The following HRH1 variants were observed in gnomAD, a reference collection of about 807,000 sequenced individuals.
The protein encoded by HRH1 is histamine H1 receptor.
In HRH1, 6 loss-of-function variants were observed where a neutral mutation model predicts 10.3. The observed-to-expected ratio is 0.58, with a 90% CI of 0.32 to 1.15. The LOEUF (loss-of-function observed/expected upper bound fraction) is 1.15, where lower values mean the gene tolerates loss of function less well. HRH1 is among the 50% of genes most tolerant of loss of function. The pLI, the probability that HRH1 is intolerant of heterozygous loss-of-function variation, is 0.05. For missense variants in HRH1, 514 were observed against 615.3 expected (o/e 0.84, Z 1.74); for synonymous variants, 242 against 236.7 (o/e 1.02, Z -0.21).
intron 1 of HRH1, among the ~76,000 whole-genome samples, chr3:11,162,011 C>G (rs1574981589): frequency 6.6e-6 from 1 of 152,138 alleles, no homozygotes; most frequent in South Asian, 2.1e-4. Flanking sequence ...GACAGTGGAG[C>G]GTGTGGGCTC....
rs375938433 is a variant in HRH1, at chr3:11,221,614, T to G, written c.-35-37389T>G. Reference sequence around the variant, plus strand: ...TACTTACGAGTTTAACCATTTTATATGCACGGTTCAGTGACACTAACTACA... The same window carrying G: ...TACTTACGAGTTTAACCATTTTATAGGCACGGTTCAGTGACACTAACTACA... On this transcript the variant is annotated intron_variant, in intron 1 of 1. Transcript: ENST00000431010. Among the ~76,000 whole-genome samples the G allele has an allele frequency of 1.1e-4, 17 of 152,240 alleles. No individual in the cohort carries two copies. In the East Asian group the frequency reaches 3.3e-3, roughly 29 times the overall value.
intron 1 of HRH1, among the ~76,000 whole-genome samples, chr3:11,240,701 G>A (rs1300101446): frequency 6.6e-6 from 1 of 152,178 alleles, no homozygotes. Context: ...GCCCATAATG[G>A]CATTTTGCTA....
At chr3:11,190,536 G>T (rs145240908) in intron 1 of HRH1, among the ~76,000 whole-genome samples, 1 of 151,938 alleles carries the variant, frequency 6.6e-6, no homozygotes, top group South Asian at 2.1e-4. Flanking sequence ...GACTACAGGC[G>T]CATGCTGCCA....
intron 1 of HRH1, among the ~76,000 whole-genome samples, chr3:11,222,231 C>T (rs1195568167): frequency 2.7e-5 from 4 of 145,830 alleles, no homozygotes; most frequent in African/African-American, 2.5e-5. Context: ...AGGCACAGGA[C>T]GGGGTGGGAG....
chr3:11,162,287 GTGA>G (rs1379982232), intron 1 of HRH1, among the ~76,000 whole-genome samples: 1 of 152,118 alleles, frequency 6.6e-6, no homozygotes, highest in East Asian at 1.9e-4. Context: ...GGGTTATAAG[GTGA>G]TGATGCTCCC....
At chr3:11,210,297 G>A (rs139626901) in intron 1 of HRH1, among the ~76,000 whole-genome samples, 15 of 152,170 alleles carry the variant, frequency 9.9e-5, no homozygotes, top group Non-Finnish European at 1.9e-4. Context: ...GGGATGCTGA[G>A]ATGGGAGAGT....
chr3:11,193,283 C>A (rs1386352946), intron 1 of HRH1, among the ~76,000 whole-genome samples: 1 of 152,060 alleles, frequency 6.6e-6, no homozygotes, highest in Non-Finnish European at 1.5e-5. Context: ...TAAAAAATAT[C>A]TGACTCAGTT....
chr3:11,173,790 T>G (rs1937198977), intron 1 of HRH1, among the ~76,000 whole-genome samples: 2 of 152,330 alleles, frequency 1.3e-5, no homozygotes, highest in South Asian at 4.1e-4. Flanking sequence ...GGGACTCACT[T>G]ACAGAAATAC....
chr3:11,190,350 A>AAT (rs58649558), intron 1 of HRH1, among the ~76,000 whole-genome samples: 1,589 of 147,828 alleles, frequency 0.011, 17 homozygotes, highest in South Asian at 0.023. Context: ...TGTCTCTAGT[A>AAT]ATATATATAT....
intron 1 of HRH1, among the ~76,000 whole-genome samples, chr3:11,148,150 G>A (rs556454198): frequency 2.7e-5 from 4 of 149,850 alleles, no homozygotes; most frequent in African/African-American, 5.0e-5. Flanking sequence ...ACTGCACTCC[G>A]GCCTAGCAAC....
chr3:11,161,712 G>A (rs1047324149), intron 1 of HRH1, among the ~76,000 whole-genome samples: 2 of 152,212 alleles, frequency 1.3e-5, no homozygotes, highest in Admixed American at 6.5e-5. Flanking sequence ...CACTGGGCAA[G>A]GATAAGTTAT....
At chr3:11,185,355 T>C (rs1937435664) in intron 1 of HRH1, among the ~76,000 whole-genome samples, 1 of 152,228 alleles carries the variant, frequency 6.6e-6, no homozygotes, top group African/African-American at 2.4e-5. Context: ...AAGCCTTCCC[T>C]GAATTTTCAA....
chr3:11,177,521 T>C (rs1937270214), intron 1 of HRH1, among the ~76,000 whole-genome samples: 1 of 151,846 alleles, frequency 6.6e-6, no homozygotes, highest in Admixed American at 6.6e-5. Flanking sequence ...GGGGAAGGAG[T>C]GTCCTCCACT....
At chr3:11,193,244 T>G (rs1937582665) in intron 1 of HRH1, among the ~76,000 whole-genome samples, 1 of 152,232 alleles carries the variant, frequency 6.6e-6, no homozygotes, top group Non-Finnish European at 1.5e-5. Flanking sequence ...TCTCCTCTCC[T>G]AAGTTAAAAT....
At chr3:11,173,877 A>G (rs1937201108) in intron 1 of HRH1, among the ~76,000 whole-genome samples, 1 of 152,198 alleles carries the variant, frequency 6.6e-6, no homozygotes, top group Non-Finnish European at 1.5e-5. Flanking sequence ...AGACTCTGCC[A>G]GGTGTAAAGA....
Position 11,177,575 on chromosome 3 carries a change from G to A in HRH1, c.-36+23021G>A, listed in dbSNP as rs147563730. Among the ~76,000 whole-genome samples, 66 of 152,178 alleles carry A rather than the reference G, an allele frequency of 4.3e-4. 1 individual carries two copies. Among genetic ancestry groups the A allele is most frequent in the Admixed American group, 6.5e-5 (1 of 15,290 alleles). On this transcript the variant is annotated intron_variant, in intron 1 of 1. Transcript: ENST00000431010. The stretch of plus-strand genomic sequence containing the variant: ...ATTCATAACTCTCACCACAGCACTC[G>A]TCCCCCTGAGCTGTGATTCCTGCTG...
intron 1 of HRH1, among the ~76,000 whole-genome samples, chr3:11,170,970 G>A (rs1262921217): frequency 6.6e-6 from 1 of 152,106 alleles, no homozygotes; most frequent in Non-Finnish European, 1.5e-5. Context: ...GATAAGCAGT[G>A]TCATATTGTT....
intron 1 of HRH1, among the ~76,000 whole-genome samples, chr3:11,162,437 A>G (rs965513987): frequency 1.4e-5 from 2 of 146,510 alleles, no homozygotes; most frequent in East Asian, 4.1e-4. Flanking sequence ...TATGGGAGAA[A>G]TAGCCCCTGA....
At chr3:11,138,444 C>T (rs1014833680) in intron 1 of HRH1, among the ~76,000 whole-genome samples, 2 of 152,120 alleles carry the variant, frequency 1.3e-5, no homozygotes, top group African/African-American at 4.8e-5. Flanking sequence ...AATGAGGTAC[C>T]ACTTCACACT....
Sources: allele counts gnomAD v4.1 joint callset (sites outside exome capture counted in the v4.1 genomes callset), GRCh38; gene constraint gnomAD v4.1.1; transcripts MANE v1.5; gene names NCBI Gene and HGNC (gene_info 2026-07-23, HGNC 2026-07-21).